The following UNC79 variants were observed in gnomAD, a reference collection of about 807,000 sequenced individuals.
The protein encoded by UNC79 is protein unc-79 homolog.
A neutral mutation model predicts 283.1 loss-of-function variants in UNC79; 37 were observed. The ratio of observed to expected loss-of-function variants is 0.13; its 90% confidence interval spans 0.10 to 0.17. The LOEUF is 0.17. Ranked by LOEUF, UNC79 falls within the 10% of genes least tolerant of loss-of-function variation. The pLI, the probability that UNC79 is intolerant of heterozygous loss-of-function variation, is 1.00. For synonymous variants in UNC79, 1,107 were observed against 1,200.2 expected (o/e 0.92, Z 1.61); for missense variants, 2,272 against 3,211.1 (o/e 0.71, Z 7.07).
In UNC79 at chr14:93,537,839, G is replaced by A; in HGVS notation, c.1123-150G>A. 4.4e-6 allele frequency: 3 copies of A among 676,302 alleles called. No homozygotes were observed. The South Asian group carries it at 6.2e-5, about 14-fold the overall frequency. 41.9% of individuals were successfully genotyped at this position (676,302 alleles called of 1,614,324 possible). A position where few individuals can be genotyped will look rare whatever the true frequency, so the allele number is the denominator to read the frequency against. On this transcript the variant is annotated intron_variant, in intron 11 of 48. Transcript: ENST00000555664. Reference sequence around the variant, plus strand: ...TTTTTTAACTATGACTGAAATCTAGGTAGTGGGAGAATAACCTGCGCTTTG... The same window carrying A: ...TTTTTTAACTATGACTGAAATCTAGATAGTGGGAGAATAACCTGCGCTTTG...
rs2066870079 is a variant in UNC79 at position 93,618,188 on chromosome 14, G to T, written c.4225-4G>T. ...ATCTTTTTCTCTCTCGTTTCATTGGGCAGTATCCATACCGAGACTGTGATA... is the reference window on the plus strand; with the variant it reads ...ATCTTTTTCTCTCTCGTTTCATTGGTCAGTATCCATACCGAGACTGTGATA... On this transcript the variant is annotated splice_polypyrimidine_tract_variant and splice_region_variant and intron_variant, in intron 28 of 48. Coordinates refer to ENST00000555664, the Ensembl canonical transcript of UNC79. 1 of 1,609,082 alleles carries T rather than the reference G, an allele frequency of 6.2e-7. No homozygotes were observed. Among genetic ancestry groups the T allele is most frequent in the African/African-American group, 1.3e-5 (1 of 74,586 alleles).
At chr14:93,679,813 C>T (rs890084964) in intron 41 of UNC79, among the ~76,000 whole-genome samples, 2 of 152,100 alleles carry the variant, frequency 1.3e-5, no homozygotes, top group African/African-American at 2.4e-5. Context: ...TTTCAGTGCC[C>T]GATTTCCCTC....
exon 12 of UNC79, chr14:93,538,012 A>G: frequency 3.7e-6 from 6 of 1,613,742 alleles, no homozygotes; most frequent in Non-Finnish European, 4.2e-6. Context: ...ACGTTAGAAG[A>G]GCAGTTGTCA....
chr14:93,394,692 C>A (rs893793357), intron 1 of UNC79, among the ~76,000 whole-genome samples: 16 of 152,190 alleles, frequency 1.1e-4, no homozygotes, highest in South Asian at 6.2e-4. Flanking sequence ...CAGGCGTGAG[C>A]CACTGCACCC....
chr14:93,344,710 C>A (rs1011725375), intron 1 of UNC79, among the ~76,000 whole-genome samples: 1 of 152,268 alleles, frequency 6.6e-6, no homozygotes, highest in South Asian at 2.1e-4. Flanking sequence ...TTACAGGACT[C>A]GTGTAAATCA....
chr14:93,451,427 G>A (rs890684783), intron 1 of UNC79, among the ~76,000 whole-genome samples: 1 of 152,218 alleles, frequency 6.6e-6, no homozygotes, highest in Non-Finnish European at 1.5e-5. Flanking sequence ...TAGCTGCCAG[G>A]GGTTGGAGGG....
At chr14:93,626,467 T>G (rs2067577982) in intron 30 of UNC79, among the ~76,000 whole-genome samples, 1 of 152,092 alleles carries the variant, frequency 6.6e-6, no homozygotes, top group Non-Finnish European at 1.5e-5. Flanking sequence ...TTTTTTTTCC[T>G]AAAGGACCCT....
intron 14 of UNC79, among the ~76,000 whole-genome samples, chr14:93,555,160 C>T (rs1374677700): frequency 6.6e-6 from 1 of 152,140 alleles, no homozygotes; most frequent in East Asian, 1.9e-4. Context: ...CATTAATAGT[C>T]TTTAAAACTG....
chr14:93,583,135 A>G (rs1455154488), intron 20 of UNC79, among the ~76,000 whole-genome samples: 2 of 152,060 alleles, frequency 1.3e-5, no homozygotes, highest in African/African-American at 2.4e-5. Context: ...CAGCCTGGCC[A>G]ACTTGGAGAA....
chr14:93,459,096 A>G (rs987041258), intron 1 of UNC79, among the ~76,000 whole-genome samples: 29 of 152,300 alleles, frequency 1.9e-4, no homozygotes, highest in African/African-American at 6.7e-4. Flanking sequence ...GGTTCAAGCA[A>G]TTCTCCTGCC....
chr14:93,625,019 C>A (rs901733605), intron 30 of UNC79, among the ~76,000 whole-genome samples: 2 of 152,224 alleles, frequency 1.3e-5, no homozygotes, highest in Admixed American at 6.5e-5. Flanking sequence ...GCCTTGCATA[C>A]CTTCTGTTCT....
At position 93,385,026 on chromosome 14, in the gene UNC79, A is replaced by G. The variant is rs781698818; in HGVS notation, c.-351+51503A>G. Among the ~76,000 whole-genome samples the G allele has an allele frequency of 2.0e-5, 3 of 152,328 alleles. No homozygotes were observed. The South Asian group carries it at 6.2e-4, about 32-fold the overall frequency. ...AATTTATCTCTAGGTTCTCTCTTCT[A>G]TTCCACTGGTCTACATGTCTCTTTT... On this transcript the variant is annotated intron_variant, in intron 1 of 49. Transcript: ENST00000256339.
chr14:93,634,746 G>C, intron 31 of UNC79, 109 bp downstream of exon 34: 1 of 1,107,000 alleles, frequency 9.0e-7, no homozygotes, highest in Non-Finnish European at 1.3e-6. Context: ...CATGTTCTTT[G>C]GTTCAGGTAA....
At chr14:93,351,524 A>G (rs1015041840) in intron 1 of UNC79, among the ~76,000 whole-genome samples, 1 of 152,210 alleles carries the variant, frequency 6.6e-6, no homozygotes, top group African/African-American at 2.4e-5. Context: ...TGAGGTCAGT[A>G]TACCCCAAAT....
At chr14:93,649,713 T>C (rs2070032765) in intron 35 of UNC79, among the ~76,000 whole-genome samples, 2 of 152,198 alleles carry the variant, frequency 1.3e-5, no homozygotes. Flanking sequence ...ATAGTTATCT[T>C]TTTATTTTTT....
intron 47 of UNC79, among the ~76,000 whole-genome samples, chr14:93,698,484 T>A (rs1306956029): frequency 1.9e-5 from 2 of 102,994 alleles, no homozygotes; most frequent in African/African-American, 8.7e-5. Flanking sequence ...AGGTTTTTTT[T>A]TTTTTTTTTT....
chr14:93,600,486 G>T (rs1402883110), intron 24 of UNC79, 83 bp from the exon 25 acceptor site: 1 of 933,214 alleles, frequency 1.1e-6, no homozygotes, highest in African/African-American at 1.7e-5. Context: ...CATTGACTTT[G>T]CCTAGTATAT....
At chr14:93,618,476 T>C in intron 29 of UNC79, 122 bp downstream of exon 30, 4 of 1,134,286 alleles carry the variant, frequency 3.5e-6, no homozygotes, top group Non-Finnish European at 4.6e-6. Context: ...AAAAATCACT[T>C]TCTTAATTTT....
intron 4 of UNC79, among the ~76,000 whole-genome samples, chr14:93,486,657 G>GAAA (rs1184362382): frequency 1.6e-4 from 22 of 138,956 alleles, no homozygotes; most frequent in African/African-American, 3.3e-4. Context: ...TCTGTCTAAG[G>GAAA]AAAAAAAAAA....
Sources: gnomAD v4.1 joint callset for allele counts (sites outside exome capture counted in the v4.1 genomes callset) on GRCh38, gnomAD v4.1.1 for gene constraint, MANE v1.5 for transcripts, NCBI Gene and HGNC (gene_info 2026-07-23, HGNC 2026-07-21) for gene names.